UNC13C: variants seen among roughly 807,000 people sequenced by gnomAD.
UNC13C encodes unc-13 homolog C.
UNC13C carries 174 observed loss-of-function variants against 245.4 expected under a neutral mutation model. That is an observed-to-expected ratio of 0.71 (90% CI 0.63 to 0.80). The LOEUF is 0.80. UNC13C is among the 30% of genes least tolerant of loss of function. The pLI is 0.00. For synonymous variants in UNC13C, 992 were observed against 895.1 expected (o/e 1.11, Z -1.93); for missense variants, 2,829 against 2,602.9 (o/e 1.09, Z -1.89).
Position 54,356,518 on chromosome 15 carries a change from C to A in UNC13C, c.4713+18029C>A, listed in dbSNP as rs558817946. ...AGCTGGGAAGTTCAAGATCAAGATG[C>A]CCATAGATATAGCGTCTGGTGGGAT... On this transcript the variant is annotated intron_variant, in intron 17 of 32. Transcript: ENST00000260323. Among the ~76,000 whole-genome samples the A allele has an allele frequency of 1.8e-4, 28 of 152,234 alleles. No homozygotes were observed. The South Asian group carries it at 5.2e-3, about 28-fold the overall frequency.
At chr15:54,193,088 A>G (rs2034241123) in intron 4 of UNC13C, among the ~76,000 whole-genome samples, 1 of 152,120 alleles carries the variant, frequency 6.6e-6, no homozygotes, top group African/African-American at 2.4e-5. Context: ...CATTTTCATC[A>G]CAACTGAGGC....
chr15:54,292,581 T>C (rs1453152587), intron 10 of UNC13C, among the ~76,000 whole-genome samples: 2 of 152,080 alleles, frequency 1.3e-5, no homozygotes, highest in East Asian at 3.9e-4. Flanking sequence ...AATTCTCAAA[T>C]ACTTTTTGCA....
At chr15:54,623,529 G>C (rs1312425406) in intron 31 of UNC13C, among the ~76,000 whole-genome samples, 1 of 152,112 alleles carries the variant, frequency 6.6e-6, no homozygotes, top group Non-Finnish European at 1.5e-5. Flanking sequence ...ACCAAGAGGA[G>C]GAGAGTGCTA....
At chr15:53,854,096 T>TAG in the UNC13C span, among the ~76,000 whole-genome samples, 2,492 of 150,338 alleles carry the variant, frequency 0.017, 51 homozygotes, top group East Asian at 0.078. Context: ...TTGTATTGCC[T>TAG]AGATTTTCTC....
At chr15:53,858,600 T>A in the UNC13C span, among the ~76,000 whole-genome samples, 8 of 152,010 alleles carry the variant, frequency 5.3e-5, no homozygotes, top group Admixed American at 3.9e-4. Flanking sequence ...TTTGTGTTTT[T>A]CATAGAGACG....
intron 17 of UNC13C, among the ~76,000 whole-genome samples, chr15:54,353,715 G>C (rs1032693839): frequency 2.0e-5 from 3 of 152,202 alleles, no homozygotes; most frequent in Middle Eastern, 3.4e-3. Context: ...ATGTCTAATT[G>C]CTATTCTTAC....
intron 1 of UNC13C, among the ~76,000 whole-genome samples, chr15:54,001,669 T>A (rs180683038): frequency 1.3e-5 from 2 of 152,318 alleles, no homozygotes; most frequent in Admixed American, 1.3e-4. Flanking sequence ...CTTCTCTAAT[T>A]ATTTCTTATT....
intron 7 of UNC13C, among the ~76,000 whole-genome samples, chr15:54,249,222 T>C (rs1291733102): frequency 8.4e-6 from 1 of 119,454 alleles, no homozygotes; most frequent in Admixed American, 8.6e-5. Flanking sequence ...GTGTTTATTG[T>C]TGTTGGTGGT....
At chr15:54,631,904 G>A (rs933171914), downstream of UNC13C, 1 of 152,100 alleles carries the variant, frequency 6.6e-6, no homozygotes, top group Non-Finnish European at 1.5e-5. Flanking sequence ...ACTTCATAAG[G>A]AACTTTCAAA....
At chr15:53,898,716 A>G in the UNC13C span, among the ~76,000 whole-genome samples, 11 of 152,214 alleles carry the variant, frequency 7.2e-5, no homozygotes, top group African/African-American at 2.7e-4. Context: ...ATATGTATAC[A>G]TTGTGAAATG....
At chr15:54,155,294 G>A (rs1407925934) in intron 4 of UNC13C, among the ~76,000 whole-genome samples, 7 of 152,114 alleles carry the variant, frequency 4.6e-5, no homozygotes, top group Non-Finnish European at 2.9e-5. Context: ...TTGATTATAT[G>A]ATGGTGACAG....
intron 19 of UNC13C, among the ~76,000 whole-genome samples, chr15:54,451,083 C>T (rs578085097): frequency 1.6e-4 from 25 of 152,130 alleles, no homozygotes; most frequent in African/African-American, 3.9e-4. Context: ...TAAGCTTCTA[C>T]GTGTTATTTT....
rs142534844 is a variant in UNC13C at position 54,194,452 on chromosome 15, A to G, written c.3072-40578A>G. On this transcript the variant is annotated intron_variant, in intron 4 of 32. Transcript: ENST00000260323. ...CAAGGACAATACTGATCCATATTTT[A>G]GTCATAAAATATTTAAATATTAAAA... Among the ~76,000 whole-genome samples the G allele has an allele frequency of 2.8e-3, 421 of 152,244 alleles. 5 individuals carry two copies. Among genetic ancestry groups the G allele is most frequent in the African/African-American group, 9.7e-3 (401 of 41,548 alleles).
chr15:54,502,872 G>A lies in UNC13C; in HGVS notation c.5301+1894G>A, dbSNP rs369610402. Among the ~76,000 whole-genome samples the A allele has an allele frequency of 4.6e-5, 7 of 152,224 alleles. 1 individual carries two copies. In the South Asian group the frequency reaches 6.2e-4, roughly 14 times the overall value. ...TGAGTGCACGGTAACAGAGTAGAAA[G>A]AATGCTGAATTGAGATTCCTAGACC... On this transcript the variant is annotated intron_variant, in intron 22 of 32. Coordinates refer to ENST00000260323, the MANE Select transcript of UNC13C (RefSeq NM_001080534.3).
At chr15:53,939,812 CGAGAGAGA>C in the UNC13C span, among the ~76,000 whole-genome samples, 12 of 150,364 alleles carry the variant, frequency 8.0e-5, no homozygotes, top group South Asian at 1.3e-3. Context: ...AGAGAAAGGA[CGAGAGAGA>C]GAGAGAGAGA....
At chr15:54,305,341 C>T (rs569853416) in intron 13 of UNC13C, among the ~76,000 whole-genome samples, 1 of 152,004 alleles carries the variant, frequency 6.6e-6, no homozygotes, top group Admixed American at 6.6e-5. Flanking sequence ...ATTGATTGAT[C>T]GTTTTTAAAA....
chr15:54,198,011 T>G lies in UNC13C; in HGVS notation c.3072-37019T>G, dbSNP rs148445383. Among the ~76,000 whole-genome samples the G allele has an allele frequency of 3.3e-5, 5 of 152,192 alleles. No homozygotes were observed. In the East Asian group the frequency reaches 7.8e-4, roughly 24 times the overall value. On this transcript the variant is annotated intron_variant, in intron 4 of 32. Coordinates refer to ENST00000260323, the MANE Select transcript of UNC13C (RefSeq NM_001080534.3). ...TGGGAGTGAGACAGGCCTTTAGGAC[T>G]GCAGGCTGTGTGGGAGTGGGGTGAG... is the stretch of plus-strand genomic sequence containing the variant.
the UNC13C span, among the ~76,000 whole-genome samples, chr15:53,930,297 G>A: frequency 6.6e-6 from 1 of 152,134 alleles, no homozygotes; most frequent in Non-Finnish European, 1.5e-5. Context: ...TCAATGTCTA[G>A]ACTTCGAACT....
chr15:54,195,148 T>C (rs1595984914), intron 4 of UNC13C, among the ~76,000 whole-genome samples: 1 of 106,962 alleles, frequency 9.3e-6, no homozygotes, highest in African/African-American at 3.1e-5. Context: ...CCATGATCTC[T>C]GATACTGCAC....
Sources: allele counts gnomAD v4.1 joint callset (sites outside exome capture counted in the v4.1 genomes callset), GRCh38; gene constraint gnomAD v4.1.1; transcripts MANE v1.5; gene names NCBI Gene and HGNC (gene_info 2026-07-23, HGNC 2026-07-21).